PDE4B: variants seen among roughly 807,000 people sequenced by gnomAD.
PDE4B encodes phosphodiesterase 4B, also known as 3',5'-cyclic-AMP phosphodiesterase 4B.
In PDE4B, 20 loss-of-function variants were observed where a neutral mutation model predicts 82.2. The observed-to-expected ratio is 0.24, with a 90% confidence interval of 0.17 to 0.35. The LOEUF (loss-of-function observed/expected upper bound fraction) is 0.35, where lower values mean the gene tolerates loss of function less well. Among genes scored for constraint, PDE4B ranks in the 10% least tolerant of loss-of-function variants. PDE4B has a pLI of 1.00. For missense variants in PDE4B, 655 were observed against 907.2 expected, an observed-to-expected ratio of 0.72 and a Z score of 3.57; for synonymous variants, 320 against 318.9, an observed-to-expected ratio of 1.00 and a Z score of -0.04.
Position 66,233,294 on chromosome 1 carries a change from A to G in PDE4B, c.282-14166A>G, listed in dbSNP as rs574732120. ...AATTAGTTTAGGATTCATCCATGTT[A>G]CGGCAGTTGTCAGTAGTGCATTCTT... On this transcript the variant is annotated intron_variant, in intron 3 of 16. Coordinates refer to ENST00000341517, the MANE Select transcript of PDE4B (RefSeq NM_002600.4). Among the ~76,000 whole-genome samples, 80 of 152,310 alleles carry G rather than the reference A, an allele frequency of 5.3e-4. No individual in the cohort carries two copies. The South Asian group carries it at 0.016, about 30-fold the overall frequency.
In PDE4B at chr1:66,365,739, G is replaced by T; in HGVS notation, c.1357G>T (p.Val453Phe). The change falls in exon 13 of 17, where the codon GTC becomes TTC. Residue 453 changes from valine (V) to phenylalanine (F), a missense_variant. By Grantham distance (50) the Val-to-Phe change is conservative. Around this residue, in one of 3 missense-constraint regions of PDE4B, gnomAD observed 283 missense variants for 516.4 expected, o/e 0.55. Coordinates refer to ENST00000341517, the MANE Select transcript of PDE4B (RefSeq NM_002600.4). ...AAIHDVDHPG[V>F]SNQFLINTNS... Reference sequence around the variant, plus strand: ...CATCCATGACGTTGATCATCCTGGAGTCTCCAATCAGTTTCTCATCAACAC... The same window carrying T: ...CATCCATGACGTTGATCATCCTGGATTCTCCAATCAGTTTCTCATCAACAC... 1.9e-6 allele frequency: 3 copies of T among 1,601,328 alleles called. No homozygotes were observed. Among genetic ancestry groups the T allele is most frequent in the Non-Finnish European group, 2.6e-6 (3 of 1,169,972 alleles).
At chr1:65,967,387 A>G (rs1297745843) in intron 3 of PDE4B, among the ~76,000 whole-genome samples, 1 of 152,128 alleles carries the variant, frequency 6.6e-6, no homozygotes, top group East Asian at 1.9e-4. Flanking sequence ...AGGAAACAGC[A>G]AGTTGCTGGA....
intron 3 of PDE4B, among the ~76,000 whole-genome samples, chr1:66,121,518 A>G (rs982023125): frequency 6.6e-6 from 1 of 152,178 alleles, no homozygotes; most frequent in Non-Finnish European, 1.5e-5. Flanking sequence ...TGGAGGAGCT[A>G]TATTTATTCT....
chr1:65,815,895 A>G (rs1645878030), intron 1 of PDE4B, among the ~76,000 whole-genome samples: 1 of 152,160 alleles, frequency 6.6e-6, no homozygotes. Flanking sequence ...TTTTTACATA[A>G]AAGGACTTCA....
intron 1 of PDE4B, among the ~76,000 whole-genome samples, chr1:65,819,003 G>C (rs114255264): frequency 0.01 from 1,571 of 152,120 alleles, 25 homozygotes; most frequent in African/African-American, 0.034. Flanking sequence ...TGTGAGTGTG[G>C]TGCTCTTCTG....
At chr1:65,904,748 T>C (rs1647009427) in intron 1 of PDE4B, among the ~76,000 whole-genome samples, 1 of 152,144 alleles carries the variant, frequency 6.6e-6, no homozygotes, top group Non-Finnish European at 1.5e-5. Flanking sequence ...ATCCTGTCTC[T>C]CTGCCTTTTC....
intron 1 of PDE4B, among the ~76,000 whole-genome samples, chr1:65,862,685 T>A (rs112357114): frequency 0.019 from 2,812 of 151,456 alleles, 92 homozygotes; most frequent in African/African-American, 0.066. Flanking sequence ...GTCCTGGACC[T>A]TTTTTTGGTT....
chr1:66,021,047 T>G (rs1020351923), intron 3 of PDE4B, among the ~76,000 whole-genome samples: 2 of 152,242 alleles, frequency 1.3e-5, no homozygotes, highest in Admixed American at 1.3e-4. Context: ...GGTTTTGATT[T>G]GCATTTCTCT....
At chr1:66,212,347 A>T (rs1650115877) in intron 3 of PDE4B, among the ~76,000 whole-genome samples, 1 of 152,146 alleles carries the variant, frequency 6.6e-6, no homozygotes, top group African/African-American at 2.4e-5. Flanking sequence ...TTCTGTACAT[A>T]GGCATCCATA....
intron 1 of PDE4B, among the ~76,000 whole-genome samples, chr1:65,844,206 A>G (rs752849115): frequency 2.6e-5 from 4 of 152,226 alleles, no homozygotes; most frequent in Non-Finnish European, 5.9e-5. Context: ...GCAAAAGTCA[A>G]CAGAATAAAA....
intron 3 of PDE4B, among the ~76,000 whole-genome samples, chr1:66,189,353 G>C (rs1647516744): frequency 1.3e-5 from 2 of 152,106 alleles, no homozygotes; most frequent in Admixed American, 6.5e-5. Flanking sequence ...GGCATTCTCT[G>C]TATTTCCTGA....
intron 7 of PDE4B, chr1:66,331,659 C>A: frequency 1.4e-6 from 1 of 694,002 alleles, no homozygotes; most frequent in Non-Finnish European, 1.8e-6. Context: ...AAATAAAAAT[C>A]TGCAGAGTGT....
At chr1:66,349,732 T>G (rs990116613) in intron 8 of PDE4B, among the ~76,000 whole-genome samples, 3 of 152,222 alleles carry the variant, frequency 2.0e-5, no homozygotes, top group African/African-American at 7.2e-5. Flanking sequence ...AGAGATGAGA[T>G]GCACATTGTC....
At chr1:66,222,301 C>T (rs1651055197) in intron 3 of PDE4B, among the ~76,000 whole-genome samples, 1 of 152,216 alleles carries the variant, frequency 6.6e-6, no homozygotes, top group African/African-American at 2.4e-5. Context: ...CACATGGCTA[C>T]ACTAGTTCAA....
At chr1:65,937,850 T>A (rs548098398) in intron 3 of PDE4B, among the ~76,000 whole-genome samples, 21 of 152,310 alleles carry the variant, frequency 1.4e-4, no homozygotes, top group East Asian at 9.7e-4. Flanking sequence ...CTGGCCTATA[T>A]AGCTCTAATA....
At chr1:66,157,464 C>T (rs949132065) in intron 3 of PDE4B, among the ~76,000 whole-genome samples, 1 of 152,178 alleles carries the variant, frequency 6.6e-6, no homozygotes, top group Non-Finnish European at 1.5e-5. Flanking sequence ...ATGACCTGGG[C>T]CCTACCTTTC....
chr1:65,825,087 C>A (rs939086873), intron 1 of PDE4B, among the ~76,000 whole-genome samples: 1 of 152,180 alleles, frequency 6.6e-6, no homozygotes, highest in Admixed American at 6.5e-5. Context: ...TCTCTTTTCC[C>A]CTTCCATTAG....
At chr1:66,339,113 T>C (rs1291665174) in intron 8 of PDE4B, among the ~76,000 whole-genome samples, 2 of 152,198 alleles carry the variant, frequency 1.3e-5, no homozygotes, top group Non-Finnish European at 2.9e-5. Flanking sequence ...TGCCACAACC[T>C]TTCCAAGGCA....
chr1:66,336,279 T>A (rs1261746884), intron 8 of PDE4B, among the ~76,000 whole-genome samples: 1 of 152,144 alleles, frequency 6.6e-6, no homozygotes, highest in Non-Finnish European at 1.5e-5. Flanking sequence ...CAACAGTGGC[T>A]GAGGAAGGAC....
Sources: gnomAD v4.1 joint callset for allele counts (sites outside exome capture counted in the v4.1 genomes callset) on GRCh38, gnomAD v4.1.1 for gene constraint, gnomAD v4.1.1 regional missense constraint, MANE v1.5 for transcripts, NCBI Gene and HGNC (gene_info 2026-07-23, HGNC 2026-07-21) for gene names.